The following TOR1AIP1 variants were observed in gnomAD, a reference collection of about 807,000 sequenced individuals.
The protein encoded by TOR1AIP1 is torsin 1A interacting protein 1.
A neutral mutation model predicts 63.3 loss-of-function variants in TOR1AIP1; 54 were observed. That is an observed-to-expected ratio of 0.85 (90% confidence interval 0.69 to 1.07). TOR1AIP1 has a LOEUF of 1.07. Among genes scored for constraint, TOR1AIP1 ranks in the 50% least tolerant of loss-of-function variants. The probability of loss-of-function intolerance (pLI) is 0.00; values close to 1 mark genes in which losing one functional copy is unlikely to be tolerated. For missense variants in TOR1AIP1, 736 were observed against 715.0 expected, an observed-to-expected ratio of 1.03 and a Z score of -0.33; for synonymous variants, 294 against 273.5, an observed-to-expected ratio of 1.07 and a Z score of -0.74.
chr1:179,895,838 G>C (rs937198889), intron 3 of TOR1AIP1, among the ~76,000 whole-genome samples: 1 of 151,792 alleles, frequency 6.6e-6, no homozygotes, highest in African/African-American at 2.4e-5. Flanking sequence ...AGAATCACTT[G>C]AACCCGGGAG....
intron 1 of TOR1AIP1, 93 bp downstream of exon 1, chr1:179,883,070 C>T: frequency 4.3e-6 from 5 of 1,171,192 alleles, no homozygotes; most frequent in Non-Finnish European, 6.2e-6. Context: ...CGCCTGGGTA[C>T]TAAGTACTGG....
intron 2 of TOR1AIP1, among the ~76,000 whole-genome samples, chr1:179,885,053 C>CG (rs1318661771): frequency 6.6e-6 from 1 of 152,202 alleles, no homozygotes; most frequent in Non-Finnish European, 1.5e-5. Context: ...ACTTTCCCCC[C>CG]AAGTGCCTCA....
intron 3 of TOR1AIP1, among the ~76,000 whole-genome samples, chr1:179,897,267 A>G (rs1046436166): frequency 1.3e-5 from 2 of 152,208 alleles, no homozygotes; most frequent in African/African-American, 4.8e-5. Flanking sequence ...TTAAAATCAA[A>G]TGGGGAGCTC....
intron 5 of TOR1AIP1, among the ~76,000 whole-genome samples, chr1:179,902,019 C>CTTTT (rs767712125): frequency 6.1e-5 from 6 of 98,772 alleles, no homozygotes; most frequent in African/African-American, 1.2e-4. Context: ...AATTCCAATT[C>CTTTT]TTTTTTTTTT....
At chr1:179,901,251 C>A in intron 4 of TOR1AIP1, 51 bp from the exon 5 acceptor site, 1 of 1,235,700 alleles carries the variant, frequency 8.1e-7, no homozygotes, top group South Asian at 1.7e-5. Flanking sequence ...AAATTCAGAT[C>A]TTCTGAGCAT....
intron 3 of TOR1AIP1, among the ~76,000 whole-genome samples, chr1:179,892,477 CA>C (rs910107694): frequency 8.0e-5 from 11 of 138,324 alleles, no homozygotes; most frequent in African/African-American, 1.1e-4. Context: ...CTGTCTCAAA[CA>C]AAAAAAAAAA....
chr1:179,892,123 A>G lies in TOR1AIP1; in HGVS notation c.610+2754A>G, dbSNP rs186968514. 3.3e-5 allele frequency among the ~76,000 whole-genome samples: 5 copies of G among 152,306 alleles called. No homozygotes were observed. The East Asian group carries it at 7.7e-4, about 24-fold the overall frequency. Reference sequence around the variant, plus strand: ...TTCATTTTTCTTTATAAATCATTGTACCTTCCTCTAATTCATCTTTCACTT... The same window carrying G: ...TTCATTTTTCTTTATAAATCATTGTGCCTTCCTCTAATTCATCTTTCACTT... On this transcript the variant is annotated intron_variant, in intron 3 of 9. Transcript: ENST00000606911.
chr1:179,901,390 T>C lies in TOR1AIP1; in HGVS notation c.739+2T>C. The C allele has an allele frequency of 6.3e-7, 1 of 1,588,930 alleles. No homozygotes were observed. The highest frequency in any genetic ancestry group is 8.6e-7 in the Non-Finnish European group (1 of 1,161,996). On this transcript the variant is annotated splice_donor_variant, in intron 5 of 9. Transcript: ENST00000606911. LOFTEE classifies it high-confidence loss of function. ...CCAGGGATTCTGATGAATCTGGAGG[T>C]AATATTGCTTTATATACATATGACT...
intron 8 of TOR1AIP1, among the ~76,000 whole-genome samples, chr1:179,913,100 A>T (rs1258676549): frequency 6.6e-6 from 1 of 151,466 alleles, no homozygotes; most frequent in Non-Finnish European, 1.5e-5. Context: ...AAGGGTTAGG[A>T]TCATTTTTAA....
intron 2 of TOR1AIP1, 99 bp from the exon 3 acceptor site, chr1:179,889,214 G>A (rs2148471697): frequency 1.0e-6 from 1 of 957,152 alleles, no homozygotes; most frequent in East Asian, 2.7e-5. Context: ...TAAAAGCTCT[G>A]TAAACCTTTG....
In TOR1AIP1 at chr1:179,882,906, C is replaced by T. The variant is rs760733600; in HGVS notation, c.404C>T (p.Ser135Leu). ...RRTTRLQQQHSEQPPLQPSPV... is the reference protein window; with the variant it reads ...RRTTRLQQQHLEQPPLQPSPV... ...ACTACCCGCCTTCAGCAGCAGCACT[C>T]AGAGCAGCCTCCGCTACAGCCGTCT... is the stretch of plus-strand genomic sequence containing the variant. Residue 135 changes from serine (S) to leucine (L), a missense_variant, in exon 1 of 10, where the codon TCA (serine) becomes TTA (leucine). Physicochemically the swap from Ser to Leu is moderately radical, Grantham distance 145 (BLOSUM62 -2). Transcript: ENST00000606911. The T allele has an allele frequency of 2.0e-5, 32 of 1,613,960 alleles. No homozygotes were observed. The Admixed American group carries it at 4.8e-4, about 24-fold the overall frequency.
intron 5 of TOR1AIP1, 34 bp downstream of exon 5, chr1:179,901,422 A>G (rs1231726227): frequency 1.5e-6 from 2 of 1,336,278 alleles, no homozygotes; most frequent in Non-Finnish European, 1.0e-6. Context: ...GACTCTTCTC[A>G]TAGAACTATC....
intron 8 of TOR1AIP1, among the ~76,000 whole-genome samples, chr1:179,910,708 A>C (rs1469919742): frequency 6.6e-6 from 1 of 152,208 alleles, no homozygotes; most frequent in Non-Finnish European, 1.5e-5. Context: ...ATACTCTTGG[A>C]TGTAAAAATG....
chr1:179,906,662 A>G (rs892271581), intron 6 of TOR1AIP1, among the ~76,000 whole-genome samples: 7 of 151,452 alleles, frequency 4.6e-5, no homozygotes, highest in African/African-American at 1.5e-4. Context: ...TATGATATGG[A>G]CTGCCTGGAT....
chr1:179,899,694 G>T (rs7513308), intron 3 of TOR1AIP1, among the ~76,000 whole-genome samples: 143 of 152,280 alleles, frequency 9.4e-4, no homozygotes, highest in African/African-American at 3.3e-3. Flanking sequence ...GCCCAGGCTG[G>T]TATACAGTGG....
At chr1:179,886,360 C>T (rs1647907488) in intron 2 of TOR1AIP1, among the ~76,000 whole-genome samples, 1 of 152,076 alleles carries the variant, frequency 6.6e-6, no homozygotes, top group Admixed American at 6.6e-5. Flanking sequence ...ATATTAGGCT[C>T]ATATTTAAGA....
At chr1:179,891,053 C>A (rs961717141) in intron 3 of TOR1AIP1, among the ~76,000 whole-genome samples, 3 of 152,120 alleles carry the variant, frequency 2.0e-5, no homozygotes, top group Non-Finnish European at 4.4e-5. Flanking sequence ...ATGACTAGGA[C>A]CTCCCATAAA....
In TOR1AIP1 at chr1:179,882,481, G is replaced by A. The variant is rs935480796; in HGVS notation, c.-22G>A. ...GGTCCATAAAGCCATCTTCGCGATC[G>A]ACTAAAGCTACGTCAACAACTATGG... On this transcript the variant is annotated 5_prime_UTR_variant, in exon 1 of 10. Coordinates refer to ENST00000606911, the MANE Select transcript of TOR1AIP1 (RefSeq NM_015602.4). The A allele has an allele frequency of 1.0e-5, 15 of 1,436,436 alleles. No individual in the cohort carries two copies. The highest frequency in any genetic ancestry group is 1.9e-4 in the Middle Eastern group (1 of 5,168). 89.0% of individuals were successfully genotyped at this position (1,436,436 alleles called of 1,614,324 possible).
chr1:179,917,851 A>G lies in TOR1AIP1; in HGVS notation c.1364A>G (p.Asp455Gly). 6.2e-7 allele frequency: 1 copy of G among 1,614,198 alleles called. No homozygotes were observed. The highest frequency in any genetic ancestry group is 8.5e-7 in the Non-Finnish European group (1 of 1,180,034). ...ACAGATAAAGCTACTCAAGACAGTGATACTGTCAAACTAGAGGTAGACCAA... is the reference window on the plus strand; with the variant it reads ...ACAGATAAAGCTACTCAAGACAGTGGTACTGTCAAACTAGAGGTAGACCAA... The part of the protein sequence containing the change: ...DGTDKATQDS[D>G]TVKLEVDQEL... Residue 455 changes from aspartate (D) to glycine (G), a missense_variant, in exon 10 of 10, where the codon GAT becomes GGT. Asp to Gly is a moderately conservative substitution (Grantham distance 94). Transcript: ENST00000606911.
Sources: gnomAD v4.1 joint callset for allele counts (sites outside exome capture counted in the v4.1 genomes callset) on GRCh38, gnomAD v4.1.1 for gene constraint, MANE v1.5 for transcripts, NCBI Gene and HGNC (gene_info 2026-07-23, HGNC 2026-07-21) for gene names.